The following TRPS1 variants were observed in gnomAD, a reference collection of about 807,000 sequenced individuals.
The protein encoded by TRPS1 is zinc finger transcription factor Trps1.
In TRPS1, 6 loss-of-function variants were observed where a neutral mutation model predicts 101.2. That is an observed-to-expected ratio of 0.06 (90% CI 0.03 to 0.12). The LOEUF is 0.12. Among genes scored for constraint, TRPS1 ranks in the 10% least tolerant of loss-of-function variants. The pLI, the probability that TRPS1 is intolerant of heterozygous loss-of-function variation, is 1.00. For synonymous variants in TRPS1, 578 were observed against 589.8 expected, an observed-to-expected ratio of 0.98 and a Z score of 0.29; for missense variants, 1,363 against 1,567.0, an observed-to-expected ratio of 0.87 and a Z score of 2.20.
At chr8:115,525,179 T>C (rs184249007) in intron 5 of TRPS1, among the ~76,000 whole-genome samples, 1 of 152,272 alleles carries the variant, frequency 6.6e-6, no homozygotes, top group African/African-American at 2.4e-5. Flanking sequence ...CTGGATTTAG[T>C]GAAAGCAGAT....
At chr8:115,556,595 C>A (rs949009542) in intron 5 of TRPS1, among the ~76,000 whole-genome samples, 5 of 152,106 alleles carry the variant, frequency 3.3e-5, no homozygotes, top group Non-Finnish European at 7.4e-5. Flanking sequence ...AATTCATGTG[C>A]CTGTGTTCTG....
intron 5 of TRPS1, among the ~76,000 whole-genome samples, chr8:115,449,818 T>G (rs1813822730): frequency 6.6e-6 from 1 of 152,184 alleles, no homozygotes; most frequent in Non-Finnish European, 1.5e-5. Flanking sequence ...TAATTAATGC[T>G]GGGTTCCCAT....
At chr8:115,542,410 C>G (rs1257822128) in intron 5 of TRPS1, among the ~76,000 whole-genome samples, 1 of 151,778 alleles carries the variant, frequency 6.6e-6, no homozygotes, top group Admixed American at 6.6e-5. Flanking sequence ...TGATTAGACA[C>G]ATTAGATCTT....
chr8:115,612,126 TAAAA>T (rs1365780953), intron 3 of TRPS1, among the ~76,000 whole-genome samples: 13 of 121,982 alleles, frequency 1.1e-4, no homozygotes, highest in African/African-American at 4.1e-4. Context: ...GAAAGGAAGA[TAAAA>T]GAAGGAGGAC....
At chr8:115,475,649 A>T (rs1006032826) in intron 5 of TRPS1, among the ~76,000 whole-genome samples, 4 of 152,204 alleles carry the variant, frequency 2.6e-5, no homozygotes, top group Non-Finnish European at 5.9e-5. Flanking sequence ...AACCACAGAC[A>T]TAAACTTTAG....
intron 5 of TRPS1, among the ~76,000 whole-genome samples, chr8:115,578,522 TAAAC>T (rs144045876): frequency 6.6e-6 from 1 of 152,198 alleles, no homozygotes; most frequent in African/African-American, 2.4e-5. Context: ...AGGAATGTCT[TAAAC>T]ATACTAGGAT....
At chr8:115,593,948 T>C (rs1679545817) in intron 4 of TRPS1, among the ~76,000 whole-genome samples, 1 of 152,048 alleles carries the variant, frequency 6.6e-6, no homozygotes, top group Admixed American at 6.6e-5. Flanking sequence ...TACCCTAAGG[T>C]CGAGACCAAA....
chr8:115,428,549 T>A (rs1158295967), intron 5 of TRPS1, among the ~76,000 whole-genome samples: 1 of 152,224 alleles, frequency 6.6e-6, no homozygotes, highest in African/African-American at 2.4e-5. Context: ...CATACGGGAA[T>A]ACATGAGTTA....
chr8:115,620,182 GA>G (rs10589819), intron 2 of TRPS1, 122 bp from the exon 3 acceptor site: 18,670 of 658,210 alleles, frequency 0.028, 2 homozygotes, highest in South Asian at 0.037. Context: ...CTTCCTCTAG[GA>G]AAAAAAAAAA....
intron 5 of TRPS1, among the ~76,000 whole-genome samples, chr8:115,564,291 T>G (rs759477584): frequency 6.6e-6 from 1 of 152,144 alleles, no homozygotes; most frequent in Non-Finnish European, 1.5e-5. Flanking sequence ...TTTCACAGGG[T>G]ATTTTTTAAC....
At chr8:115,549,229 T>G (rs1816647482) in intron 5 of TRPS1, among the ~76,000 whole-genome samples, 1 of 152,226 alleles carries the variant, frequency 6.6e-6, no homozygotes, top group Admixed American at 6.5e-5. Flanking sequence ...AACCCCCTGC[T>G]ATCAGGAACC....
intron 3 of TRPS1, among the ~76,000 whole-genome samples, chr8:115,608,867 G>T (rs967711771): frequency 6.8e-6 from 1 of 147,696 alleles, no homozygotes; most frequent in Non-Finnish European, 1.5e-5. Context: ...TTTTTTAGAG[G>T]CAGGGTCTCA....
chr8:115,574,189 G>A (rs900920534), intron 5 of TRPS1, among the ~76,000 whole-genome samples: 6 of 151,954 alleles, frequency 3.9e-5, no homozygotes, highest in Non-Finnish European at 5.9e-5. Context: ...AATATTTATC[G>A]GACAACAAGA....
At chr8:115,536,336 T>C (rs554664156) in intron 5 of TRPS1, among the ~76,000 whole-genome samples, 10 of 151,902 alleles carry the variant, frequency 6.6e-5, no homozygotes, top group South Asian at 4.2e-4. Flanking sequence ...CTGGCTAACA[T>C]GGTGAAACCC....
intron 5 of TRPS1, among the ~76,000 whole-genome samples, chr8:115,459,900 T>C (rs143074997): frequency 4.2e-4 from 64 of 152,222 alleles, no homozygotes; most frequent in East Asian, 2.9e-3. Flanking sequence ...GTCCAAAAGG[T>C]TGGCCCAACA....
intron 5 of TRPS1, among the ~76,000 whole-genome samples, chr8:115,426,100 T>C (rs976847663): frequency 6.6e-6 from 1 of 152,194 alleles, no homozygotes; most frequent in Non-Finnish European, 1.5e-5. Context: ...CTGTATGTGT[T>C]TTCACCCTTC....
intron 5 of TRPS1, among the ~76,000 whole-genome samples, chr8:115,521,254 T>C (rs2130229076): frequency 6.6e-6 from 1 of 152,056 alleles, no homozygotes; most frequent in East Asian, 1.9e-4. Flanking sequence ...TAGTGAATCC[T>C]ACTGCTGACC....
chr8:115,592,969 A>G (rs983556674), intron 4 of TRPS1, among the ~76,000 whole-genome samples: 3 of 152,170 alleles, frequency 2.0e-5, no homozygotes, highest in Admixed American at 6.5e-5. Flanking sequence ...CAGCACTTTT[A>G]GAACATTCCC....
chr8:115,492,451 C>T (rs1413806304), intron 5 of TRPS1, among the ~76,000 whole-genome samples: 2 of 113,718 alleles, frequency 1.8e-5, no homozygotes, highest in African/African-American at 3.5e-5. Context: ...TATTGGGTGC[C>T]AAGCACTGTG....
Sources: gnomAD v4.1 joint callset for allele counts (sites outside exome capture counted in the v4.1 genomes callset) on GRCh38, gnomAD v4.1.1 for gene constraint, MANE v1.5 for transcripts, NCBI Gene and HGNC (gene_info 2026-07-23, HGNC 2026-07-21) for gene names.